PLEKHG1: variants seen among roughly 807,000 people sequenced by gnomAD.
PLEKHG1 encodes pleckstrin homology domain-containing family G member 1.
A neutral mutation model predicts 100.8 loss-of-function variants in PLEKHG1; 44 were observed. The observed-to-expected ratio is 0.44, with a 90% CI of 0.34 to 0.56. The LOEUF (loss-of-function observed/expected upper bound fraction) is 0.56. Ranked by LOEUF, PLEKHG1 falls within the 20% of genes least tolerant of loss-of-function variation. The probability of loss-of-function intolerance (pLI) is 0.01; values close to 1 mark genes in which losing one functional copy is unlikely to be tolerated. For missense variants in PLEKHG1, 1,545 were observed against 1,720.9 expected (o/e 0.90, Z 1.81); for synonymous variants, 640 against 662.5 (o/e 0.97, Z 0.52).
Position 150,640,285 on chromosome 6 carries a change from C to T in PLEKHG1, c.-158+2160C>T, listed in dbSNP as rs116539388. On this transcript the variant is annotated intron_variant, in intron 2 of 3. Transcript: ENST00000367326. ...TAATTTTCCCAACTCTTCCCAAATG[C>T]GCAGGCTTGCCCAACTTTTTCAGAA... Among the ~76,000 whole-genome samples, 1,040 of 152,332 alleles carry T rather than the reference C, an allele frequency of 6.8e-3. 12 individuals carry two copies. The highest frequency in any genetic ancestry group is 0.024 in the African/African-American group (992 of 41,570).
At chr6:150,673,787 A>T (rs916484854) in intron 3 of PLEKHG1, among the ~76,000 whole-genome samples, 1 of 152,094 alleles carries the variant, frequency 6.6e-6, no homozygotes, top group Non-Finnish European at 1.5e-5. Context: ...CAGTCTCCCA[A>T]GTAGCTGGGC....
chr6:150,654,292 G>T (rs1778874232), intron 3 of PLEKHG1, among the ~76,000 whole-genome samples: 1 of 152,228 alleles, frequency 6.6e-6, no homozygotes, highest in Non-Finnish European at 1.5e-5. Context: ...ATAGTAGTGT[G>T]CCTTTTATTA....
At chr6:150,822,150 CAAAAAAA>C (rs58672381) in intron 13 of PLEKHG1, among the ~76,000 whole-genome samples, 10 of 36,700 alleles carry the variant, frequency 2.7e-4, no homozygotes, top group African/African-American at 7.3e-4. Context: ...CCAAAGGACT[CAAAAAAA>C]AAAAAAAAAA....
At chr6:150,711,913 G>A (rs1781254982) in intron 3 of PLEKHG1, among the ~76,000 whole-genome samples, 1 of 152,190 alleles carries the variant, frequency 6.6e-6, no homozygotes, top group Non-Finnish European at 1.5e-5. Context: ...ATTTGGCATT[G>A]TATCACCGTG....
intron 1 of PLEKHG1, among the ~76,000 whole-genome samples, chr6:150,723,559 G>T (rs1411935750): frequency 6.6e-6 from 1 of 152,172 alleles, no homozygotes; most frequent in Non-Finnish European, 1.5e-5. Context: ...TCAACTTTGA[G>T]CATGATGTTA....
chr6:150,721,726 G>A (rs368742353), intron 1 of PLEKHG1, among the ~76,000 whole-genome samples: 2 of 152,162 alleles, frequency 1.3e-5, no homozygotes, highest in African/African-American at 2.4e-5. Flanking sequence ...TCCATTTTGA[G>A]TGTTTCTCGG....
intron 3 of PLEKHG1, among the ~76,000 whole-genome samples, chr6:150,699,937 T>G (rs1780698194): frequency 6.6e-6 from 1 of 152,250 alleles, no homozygotes; most frequent in Admixed American, 6.5e-5. Flanking sequence ...TAACTCCTGC[T>G]ATGTTTAACA....
chr6:150,816,485 G>A (rs1478080815), intron 10 of PLEKHG1, among the ~76,000 whole-genome samples: 2 of 151,282 alleles, frequency 1.3e-5, no homozygotes, highest in South Asian at 2.1e-4. Context: ...ACACCACCAC[G>A]CACAGCTAAT....
At chr6:150,805,013 A>G (rs1409352259) in intron 7 of PLEKHG1, among the ~76,000 whole-genome samples, 1 of 150,926 alleles carries the variant, frequency 6.6e-6, no homozygotes, top group African/African-American at 2.4e-5. Context: ...TCCACTCACC[A>G]CAACCTCTGC....
intron 3 of PLEKHG1, among the ~76,000 whole-genome samples, chr6:150,666,975 G>A (rs1034904520): frequency 8.5e-5 from 13 of 152,052 alleles, no homozygotes; most frequent in Admixed American, 6.6e-4. Context: ...AGCCAGGATG[G>A]TCTCGATCTC....
At chr6:150,809,434 C>T (rs1416247419) in exon 9 of PLEKHG1, 37 of 1,613,726 alleles carry the variant, frequency 2.3e-5, no homozygotes, top group Middle Eastern at 1.7e-4. Flanking sequence ...TCAGCTTCAG[C>T]GTCTTCCACT....
intron 3 of PLEKHG1, among the ~76,000 whole-genome samples, chr6:150,667,222 T>C (rs2128583259): frequency 6.6e-6 from 1 of 152,320 alleles, no homozygotes; most frequent in South Asian, 2.1e-4. Flanking sequence ...AGCTAACTAC[T>C]AATATTTCAA....
chr6:150,745,871 G>A (rs1194985394), intron 2 of PLEKHG1, among the ~76,000 whole-genome samples: 1 of 152,020 alleles, frequency 6.6e-6, no homozygotes, highest in African/African-American at 2.4e-5. Flanking sequence ...AAGATTTGAA[G>A]TTTATGGAAG....
intron 2 of PLEKHG1, among the ~76,000 whole-genome samples, chr6:150,767,838 G>A (rs540142209): frequency 6.6e-6 from 1 of 152,242 alleles, no homozygotes; most frequent in South Asian, 2.1e-4. Context: ...TTTATTTTAC[G>A]TTATTTCAGC....
intron 3 of PLEKHG1, among the ~76,000 whole-genome samples, chr6:150,689,974 T>C (rs570149985): frequency 6.6e-6 from 1 of 152,346 alleles, no homozygotes; most frequent in South Asian, 2.1e-4. Context: ...TTGCAATTGT[T>C]TCCCACTCCA....
chr6:150,809,135 G>A, exon 8 of PLEKHG1: 1 of 1,614,078 alleles, frequency 6.2e-7, no homozygotes, highest in African/African-American at 1.3e-5. Context: ...TAACTGGAAG[G>A]GGCCAGACCT....
intron 2 of PLEKHG1, among the ~76,000 whole-genome samples, chr6:150,744,090 G>C (rs1480273250): frequency 6.6e-6 from 1 of 151,920 alleles, no homozygotes; most frequent in Non-Finnish European, 1.5e-5. Flanking sequence ...TGTTGTTGTT[G>C]TTGAGATGGA....
At chr6:150,778,122 G>A (rs1170685631) in intron 3 of PLEKHG1, among the ~76,000 whole-genome samples, 2 of 152,124 alleles carry the variant, frequency 1.3e-5, no homozygotes, top group African/African-American at 4.8e-5. Flanking sequence ...TTCTATCCTG[G>A]TTTGCAATTC....
intron 15 of PLEKHG1, among the ~76,000 whole-genome samples, chr6:150,832,723 A>T (rs1777019099): frequency 7.9e-6 from 1 of 127,364 alleles, no homozygotes; most frequent in Non-Finnish European, 1.6e-5. Flanking sequence ...ACTGTCACCC[A>T]GGCTGGAGTA....
Sources: gnomAD v4.1 joint callset for allele counts (sites outside exome capture counted in the v4.1 genomes callset) on GRCh38, gnomAD v4.1.1 for gene constraint, MANE v1.5 for transcripts, NCBI Gene and HGNC (gene_info 2026-07-23, HGNC 2026-07-21) for gene names.